GPBP1L1: variants seen among roughly 807,000 people sequenced by gnomAD.
GPBP1L1 encodes the protein vasculin-like protein 1.
In GPBP1L1, 23 loss-of-function variants were observed where a neutral mutation model predicts 52.5. The ratio of observed to expected loss-of-function variants is 0.44; its 90% CI spans 0.32 to 0.62. GPBP1L1 has a LOEUF of 0.62. Ranked by LOEUF, GPBP1L1 falls within the 20% of genes least tolerant of loss-of-function variation. The probability of loss-of-function intolerance (pLI) is 0.06; values close to 1 mark genes in which losing one functional copy is unlikely to be tolerated. For synonymous variants in GPBP1L1, 243 were observed against 203.1 expected (o/e 1.20, Z -1.67); for missense variants, 596 against 579.3 (o/e 1.03, Z -0.30).
chr1:45,672,729 G>A (rs954903089), intron 2 of GPBP1L1, among the ~76,000 whole-genome samples: 2 of 152,140 alleles, frequency 1.3e-5, no homozygotes, highest in African/African-American at 4.8e-5. Flanking sequence ...TTAAAGATTG[G>A]GGAGACTGAG....
At chr1:45,640,458 G>T in intron 7 of GPBP1L1, 55 bp from the exon 8 acceptor site, 1 of 1,437,652 alleles carries the variant, frequency 7.0e-7, no homozygotes, top group South Asian at 1.2e-5. Context: ...TGTGTAACAT[G>T]AAGCATAGTT....
intron 2 of GPBP1L1, among the ~76,000 whole-genome samples, chr1:45,665,562 G>A (rs914892927): frequency 2.6e-5 from 4 of 151,834 alleles, no homozygotes; most frequent in Admixed American, 1.3e-4. Context: ...CCAACATGGT[G>A]AAACCCTGTC....
In GPBP1L1 at chr1:45,640,879, A is replaced by ATGG. The variant is rs1421255183; in HGVS notation, c.551-479_551-477dup. Among the ~76,000 whole-genome samples the ATGG allele has an allele frequency of 2.6e-5, 4 of 152,164 alleles. No homozygotes were observed. In the East Asian group the frequency reaches 7.7e-4, roughly 29 times the overall value. On this transcript the variant is annotated intron_variant, in intron 7 of 12. Transcript: ENST00000355105. ...CAAAAAATACAAACATTAGCCAGGCATGGTGGTGCACACCTGTGGTCCCAG... is the reference window on the plus strand; with the variant it reads ...CAAAAAATACAAACATTAGCCAGGCATGGTGGTGGTGCACACCTGTGGTCCCAG...
intron 2 of GPBP1L1, among the ~76,000 whole-genome samples, chr1:45,665,897 GC>G: frequency 6.6e-6 from 1 of 151,528 alleles, no homozygotes; most frequent in Non-Finnish European, 1.5e-5. Context: ...TCCACCATCT[GC>G]CTCAGCCTCT....
chr1:45,644,255 T>C (rs1025589699), intron 6 of GPBP1L1, among the ~76,000 whole-genome samples: 3 of 152,190 alleles, frequency 2.0e-5, no homozygotes, highest in African/African-American at 4.8e-5. Flanking sequence ...TGCCCAGCCA[T>C]AAAAGCTGTG....
rs148527081 is a variant in GPBP1L1, at chr1:45,663,562, TAA to T, written c.-1097-2339_-1097-2338del. Among the ~76,000 whole-genome samples the T allele has an allele frequency of 1.8e-3, 269 of 152,240 alleles. 8 individuals are homozygous for T. The East Asian group carries it at 0.046, about 26-fold the overall frequency. On this transcript the variant is annotated intron_variant, in intron 2 of 12. Transcript: ENST00000355105. ...TCAAGAAGCTGGGATATCTGAAGTGTAAAGAGTGTGACCTACACATGCATGTG... is the reference window on the plus strand; with the variant it reads ...TCAAGAAGCTGGGATATCTGAAGTGTAGAGTGTGACCTACACATGCATGTG...
At chr1:45,629,554 A>T (rs1452567272) in intron 12 of GPBP1L1, 22 bp downstream of exon 12, 26 of 1,427,586 alleles carry the variant, frequency 1.8e-5, no homozygotes, top group Non-Finnish European at 1.9e-5. Flanking sequence ...ACTGGTCTCT[A>T]GGAAGAAGGT....
chr1:45,675,729 AG>A (rs1167602769), intron 2 of GPBP1L1, among the ~76,000 whole-genome samples: 1 of 152,106 alleles, frequency 6.6e-6, no homozygotes, highest in Non-Finnish European at 1.5e-5. Context: ...TTGTAGAGAC[AG>A]GGTCTTGGCC....
intron 6 of GPBP1L1, among the ~76,000 whole-genome samples, chr1:45,650,037 T>C (rs1455234341): frequency 6.6e-6 from 1 of 152,234 alleles, no homozygotes; most frequent in Non-Finnish European, 1.5e-5. Flanking sequence ...TCTAATACAA[T>C]GATAAATACA....
chr1:45,647,423 C>T (rs1262004400), intron 6 of GPBP1L1, among the ~76,000 whole-genome samples: 3 of 152,150 alleles, frequency 2.0e-5, no homozygotes, highest in Non-Finnish European at 4.4e-5. Flanking sequence ...GGTATAGTGG[C>T]CAGCTAGCAT....
rs1644471986 is a variant in GPBP1L1, at chr1:45,627,646, C to T, written c.*610G>A. ...CAAAAATTTATATTTTACAATCCAC[C>T]CTGAATATCAAGGCTGCAAGAATAA... On this transcript the variant is annotated 3_prime_UTR_variant, in exon 13 of 13. Coordinates refer to ENST00000355105, the MANE Select transcript of GPBP1L1 (RefSeq NM_021639.5). The T allele has an allele frequency of 6.6e-6, 1 of 151,680 alleles. No homozygotes were observed. The highest frequency in any genetic ancestry group is 6.6e-5 in the Admixed American group (1 of 15,172). The allele number at this position is 151,680 out of a possible 1,614,324, so 9.4% of individuals were successfully genotyped here.
At chr1:45,679,889 T>C (rs1569892611) in intron 2 of GPBP1L1, among the ~76,000 whole-genome samples, 1 of 59,542 alleles carries the variant, frequency 1.7e-5, no homozygotes, top group African/African-American at 7.1e-5. Flanking sequence ...CTCTTATCTA[T>C]ACAAAAAAAA....
intron 2 of GPBP1L1, among the ~76,000 whole-genome samples, chr1:45,676,710 CA>C (rs1189531708): frequency 0.056 from 3,572 of 63,258 alleles, 127 homozygotes; most frequent in African/African-American, 0.17. Context: ...AACTCTGTCT[CA>C]AAAAAAAAAA....
chr1:45,633,395 A>T (rs1044291961), intron 10 of GPBP1L1, 94 bp downstream of exon 10: 43 of 1,324,530 alleles, frequency 3.2e-5, no homozygotes, highest in Non-Finnish European at 4.5e-5. Context: ...ACATTTAAAA[A>T]TCTTGCCACA....
chr1:45,639,931 A>G, intron 8 of GPBP1L1, among the ~76,000 whole-genome samples: 1 of 151,578 alleles, frequency 6.6e-6, no homozygotes, highest in Non-Finnish European at 1.5e-5. Context: ...AGCCGGGCAT[A>G]ATGGCGTGCC....
chr1:45,649,453 GCTT>G (rs957984042), intron 6 of GPBP1L1, among the ~76,000 whole-genome samples: 2 of 136,490 alleles, frequency 1.5e-5, no homozygotes, highest in Admixed American at 7.5e-5. Flanking sequence ...TTAATCTGGA[GCTT>G]TTTTTTTTTT....
rs1046202642 is a variant in GPBP1L1 at position 45,660,563 on chromosome 1, A to C, written c.-435T>G. 12 of 984,450 alleles carry C rather than the reference A, an allele frequency of 1.2e-5. No homozygotes were observed. In the African/African-American group the frequency reaches 2.1e-4, roughly 17 times the overall value. The allele number at this position is 984,450 out of a possible 1,614,324, so 61.0% of individuals were successfully genotyped here. ...AGGTAAGACATGGATATTTGCACCG[A>C]GTGCAAATACTGTTCATAACAAGGT... On this transcript the variant is annotated 5_prime_UTR_variant, in exon 3 of 13. Transcript: ENST00000355105.
intron 8 of GPBP1L1, among the ~76,000 whole-genome samples, chr1:45,636,352 A>G (rs1644594496): frequency 6.6e-6 from 1 of 152,182 alleles, no homozygotes; most frequent in South Asian, 2.1e-4. Flanking sequence ...GAACTAGGTG[A>G]ATTTCATTAG....
At chr1:45,665,412 A>T (rs1199182515) in intron 2 of GPBP1L1, among the ~76,000 whole-genome samples, 1 of 152,074 alleles carries the variant, frequency 6.6e-6, no homozygotes, top group East Asian at 1.9e-4. Context: ...TTTGGTAGAC[A>T]ACATTTAAAG....
Sources: gnomAD v4.1 joint callset for allele counts (sites outside exome capture counted in the v4.1 genomes callset) on GRCh38, gnomAD v4.1.1 for gene constraint, MANE v1.5 for transcripts, NCBI Gene and HGNC (gene_info 2026-07-23, HGNC 2026-07-21) for gene names.